The following PER3 variants were observed in gnomAD, a reference collection of about 807,000 sequenced individuals.
PER3 encodes the protein period circadian protein homolog 3.
Under a neutral mutation model 127.2 loss-of-function variants are expected in PER3, and 107 were observed. That is an observed-to-expected ratio of 0.84 (90% confidence interval 0.72 to 0.99). PER3 has a LOEUF of 0.99. PER3 is among the 50% of genes least tolerant of loss of function. PER3 has a pLI of 0.00. For synonymous variants in PER3, 618 were observed against 585.8 expected, an observed-to-expected ratio of 1.05 and a Z score of -0.79; for missense variants, 1,560 against 1,525.8, an observed-to-expected ratio of 1.02 and a Z score of -0.37.
intron 14 of PER3, among the ~76,000 whole-genome samples, chr1:7,819,739 G>C (rs1420176050): frequency 6.6e-6 from 1 of 151,700 alleles, no homozygotes; most frequent in Non-Finnish European, 1.5e-5. Context: ...TTTGAGTGCA[G>C]CCCAACACAA....
chr1:7,792,828 A>G (rs186591552), intron 5 of PER3, among the ~76,000 whole-genome samples: 1 of 152,200 alleles, frequency 6.6e-6, no homozygotes, highest in Non-Finnish European at 1.5e-5. Flanking sequence ...CAGCCTAGGA[A>G]TGGAAATGCA....
intron 10 of PER3, among the ~76,000 whole-genome samples, chr1:7,806,181 G>A (rs1222546931): frequency 6.6e-6 from 1 of 152,010 alleles, no homozygotes; most frequent in Non-Finnish European, 1.5e-5. Flanking sequence ...ATGGGAAGGG[G>A]GCTGCAAGAC....
At position 7,786,837 on chromosome 1, in the gene PER3, G is replaced by A. The variant is rs2097093581; in HGVS notation, c.390+1G>A. The A allele has an allele frequency of 1.3e-6, 2 of 1,552,610 alleles. No individual in the cohort carries two copies. The highest frequency in any genetic ancestry group is 1.8e-6 in the Non-Finnish European group (2 of 1,123,906). On this transcript the variant is annotated splice_donor_variant, in intron 4 of 21. Coordinates refer to ENST00000377532, the MANE Select transcript of PER3 (RefSeq NM_001377275.1). LOFTEE classifies it high-confidence loss of function. Reference sequence around the variant, plus strand: ...TTCAGAACACACTTCCAAAAACACAGTAAGAATTCATGCATTTTGCCATAT... The same window carrying A: ...TTCAGAACACACTTCCAAAAACACAATAAGAATTCATGCATTTTGCCATAT...
In PER3 at chr1:7,798,516, TCTC is replaced by T. The variant is rs771399176; in HGVS notation, c.645-5_645-3del. ...TCAGGACCAGCACTAATATCTTTAA[TCTC>T]CTCAGTGGAGGTGAAGACAGAAAGC... On this transcript the variant is annotated splice_region_variant and splice_polypyrimidine_tract_variant and intron_variant, in intron 6 of 21. Transcript: ENST00000377532. The T allele has an allele frequency of 2.5e-6, 4 of 1,611,210 alleles. No individual in the cohort carries two copies. The East Asian group carries it at 8.9e-5, about 36-fold the overall frequency.
chr1:7,843,968 C>A lies in PER3; in HGVS notation c.*1213C>A. ...TCACACCCCTGCAGATCAGAAAAAA[C>A]AAATAGAAGAAAATGAGGGTTACAG... is the stretch of plus-strand genomic sequence containing the variant. On this transcript the variant is annotated 3_prime_UTR_variant, in exon 22 of 22. Coordinates refer to ENST00000377532, the MANE Select transcript of PER3 (RefSeq NM_001377275.1). The A allele has an allele frequency of 3.1e-6, 4 of 1,271,172 alleles. No individual in the cohort carries two copies. The highest frequency in any genetic ancestry group is 1.0e-6 in the Non-Finnish European group (1 of 974,154). The allele number at this position is 1,271,172 out of a possible 1,614,324, so 78.7% of individuals were successfully genotyped here.
In PER3 at chr1:7,820,597, C is replaced by G. The variant is rs113092411; in HGVS notation, c.1914C>G (p.Cys638Trp). The G allele has an allele frequency of 6.2e-7, 1 of 1,613,950 alleles. No homozygotes were observed. Among genetic ancestry groups the G allele is most frequent in the African/African-American group, 1.3e-5 (1 of 74,910 alleles). ...GCTTGGGGTCGGGCATAAGCCAATG[C>G]GGTTACAGCAGCACCATTGTCCATG... Reference protein sequence around the residue: ...MLSLGSGISQCGYSSTIVHVP... With the variant: ...MLSLGSGISQWGYSSTIVHVP... Residue 638 changes from cysteine to tryptophan, a missense_variant, in exon 16 of 22, where the codon TGC becomes TGG. By Grantham distance (215) the Cys-to-Trp change is radical (BLOSUM62 -2). Transcript: ENST00000377532.
chr1:7,840,988 A>G (rs967174164), intron 21 of PER3, among the ~76,000 whole-genome samples: 25 of 152,202 alleles, frequency 1.6e-4, no homozygotes, highest in African/African-American at 5.5e-4. Context: ...GACTTTTGCT[A>G]TTGGTTTATT....
intron 13 of PER3, among the ~76,000 whole-genome samples, chr1:7,813,501 A>C (rs755854719): frequency 6.6e-6 from 1 of 152,204 alleles, no homozygotes; most frequent in Non-Finnish European, 1.5e-5. Flanking sequence ...CGACAGCCTG[A>C]GTCAAGTAAC....
At position 7,784,866 on chromosome 1, in the gene PER3, G is replaced by A; in HGVS notation, c.-12G>A. On this transcript the variant is annotated 5_prime_UTR_variant, in exon 2 of 22. Coordinates refer to ENST00000377532, the MANE Select transcript of PER3 (RefSeq NM_001377275.1). ...GTCCCAGCACGACGTGGAGCCCCGC[G>A]GAGACCTCGAGATGCCCCGCGGGGA... 2 of 1,486,560 alleles carry A rather than the reference G, an allele frequency of 1.3e-6. No individual in the cohort carries two copies. The highest frequency in any genetic ancestry group is 1.4e-5 in the South Asian group (1 of 70,106). 92.1% of individuals were successfully genotyped at this position (1,486,560 alleles called of 1,614,324 possible).
Position 7,820,143 on chromosome 1 carries a change from T to G in PER3, c.1687T>G (p.Leu563Val). ...CCTGAAGAGCTACAACATTCCAGCT[T>G]TGAAAAGAAAGTGTATCTCCTGTAC... ...RYLKSYNIPALKRKCISCTNT... is the reference protein window; with the variant it reads ...RYLKSYNIPAVKRKCISCTNT... Residue 563 changes from leucine to valine, a missense_variant, in exon 15 of 22, where the codon TTG (leucine) becomes GTG (valine). Around this residue, in one of 3 missense-constraint regions of PER3, gnomAD observed 1,332 missense variants for 1,223.6 expected, o/e 1.09. Transcript: ENST00000377532. The G allele has an allele frequency of 6.2e-7, 1 of 1,613,726 alleles. No individual in the cohort carries two copies. Among genetic ancestry groups the G allele is most frequent in the Non-Finnish European group, 8.5e-7 (1 of 1,179,672 alleles).
intron 19 of PER3, among the ~76,000 whole-genome samples, chr1:7,834,381 C>T (rs542986192): frequency 6.6e-6 from 1 of 152,256 alleles, no homozygotes; most frequent in South Asian, 2.1e-4. Context: ...TGTAAAAAAA[C>T]CCACAATAAC....
chr1:7,836,974 T>C, intron 20 of PER3, 25 bp from the exon 21 acceptor site: 3 of 1,599,590 alleles, frequency 1.9e-6, no homozygotes, highest in Non-Finnish European at 2.6e-6. Context: ...TCAGGACTAT[T>C]AAGATTCTGT....
chr1:7,788,257 C>G lies in PER3; in HGVS notation c.592+11C>G. On this transcript the variant is annotated intron_variant, in intron 5 of 21. Transcript: ENST00000377532. Reference sequence around the variant, plus strand: ...ACTGGACCCAAAGAGGTAACAGGACCAATGTTCAGATGTCTATCTTTCCTC... The same window carrying G: ...ACTGGACCCAAAGAGGTAACAGGACGAATGTTCAGATGTCTATCTTTCCTC... The G allele has an allele frequency of 6.3e-7, 1 of 1,578,464 alleles. No homozygotes were observed. The highest frequency in any genetic ancestry group is 8.7e-7 in the Non-Finnish European group (1 of 1,147,480).
chr1:7,817,010 G>T (rs2097254591), intron 13 of PER3, among the ~76,000 whole-genome samples: 1 of 152,186 alleles, frequency 6.6e-6, no homozygotes, highest in Non-Finnish European at 1.5e-5. Flanking sequence ...ACAGACCATT[G>T]TATATATAAA....
chr1:7,829,581 G>A (rs2097319782), intron 18 of PER3, among the ~76,000 whole-genome samples: 1 of 152,176 alleles, frequency 6.6e-6, no homozygotes, highest in African/African-American at 2.4e-5. Context: ...GTGTGGAGGT[G>A]TGAAATAAAG....
At chr1:7,834,621 A>C (rs908743365) in intron 19 of PER3, among the ~76,000 whole-genome samples, 3 of 151,806 alleles carry the variant, frequency 2.0e-5, no homozygotes, top group Admixed American at 6.6e-5. Flanking sequence ...ACACTCAGCT[A>C]ATTTTTTATT....
intron 18 of PER3, among the ~76,000 whole-genome samples, chr1:7,828,767 A>G (rs1216415748): frequency 6.6e-6 from 1 of 152,212 alleles, no homozygotes; most frequent in Non-Finnish European, 1.5e-5. Context: ...AAATGGAAAG[A>G]TGAATCCCTC....
chr1:7,842,487 A>C (rs1160085738), intron 21 of PER3, 185 bp from the exon 22 acceptor site: 2 of 321,166 alleles, frequency 6.2e-6, no homozygotes, highest in Non-Finnish European at 9.0e-6. Context: ...GTGACACCGC[A>C]AGACTCTGTC....
At chr1:7,825,847 C>G (rs903156477) in intron 16 of PER3, among the ~76,000 whole-genome samples, 26 of 151,516 alleles carry the variant, frequency 1.7e-4, no homozygotes, top group Non-Finnish European at 3.5e-4. Flanking sequence ...GCCAAGATCA[C>G]GCCATTGCAC....
Sources: allele counts gnomAD v4.1 joint callset (sites outside exome capture counted in the v4.1 genomes callset), GRCh38; gene constraint gnomAD v4.1.1; regional missense constraint gnomAD v4.1.1; transcripts MANE v1.5; gene names NCBI Gene and HGNC (gene_info 2026-07-23, HGNC 2026-07-21).